The following PRSS55 variants were observed in gnomAD, a reference collection of about 807,000 sequenced individuals.
PRSS55 encodes the protein serine protease 55, also known as probable serine protease UNQ9391/PRO34284.
In PRSS55, 41 loss-of-function variants were observed where a neutral mutation model predicts 23.6. The observed-to-expected ratio is 1.74, with a 90% CI of 1.35 to 2.26. The LOEUF (loss-of-function observed/expected upper bound fraction) is 2.26. PRSS55 is among the 30% of genes most tolerant of loss of function. The probability of loss-of-function intolerance (pLI) is 0.00; values close to 1 mark genes in which losing one functional copy is unlikely to be tolerated. For missense variants in PRSS55, 669 were observed against 439.1 expected (o/e 1.52, Z -4.68); for synonymous variants, 262 against 175.5 (o/e 1.49, Z -3.90).
intron 4 of PRSS55, among the ~76,000 whole-genome samples, chr8:10,548,648 G>C (rs7846306): frequency 0.77 from 117,666 of 152,052 alleles, 47,025 homozygotes; most frequent in East Asian, 1. Context: ...CAAGTCTCCT[G>C]CGGAAGCAGA....
downstream of PRSS55, among the ~76,000 whole-genome samples, chr8:10,539,733 A>C (rs1277499339): frequency 1.3e-5 from 2 of 152,142 alleles, no homozygotes; most frequent in Non-Finnish European, 2.9e-5. Context: ...GCCATGTAAG[A>C]TGTGCCTTTT....
chr8:10,543,484 T>TCTC (rs1563547462), downstream of PRSS55, among the ~76,000 whole-genome samples: 3 of 92,226 alleles, frequency 3.3e-5, no homozygotes, highest in Non-Finnish European at 7.7e-5. Flanking sequence ...TTCTCTCTTT[T>TCTC]TTTTTTTTTT....
intron 4 of PRSS55, among the ~76,000 whole-genome samples, chr8:10,536,685 T>C (rs200209864): frequency 0.19 from 29,186 of 151,282 alleles, 3,032 homozygotes; most frequent in East Asian, 0.33. Context: ...TACGAAGCCA[T>C]AAAAAAAAAC....
chr8:10,548,585 G>A (rs529245559), intron 4 of PRSS55, among the ~76,000 whole-genome samples: 3 of 152,060 alleles, frequency 2.0e-5, no homozygotes, highest in South Asian at 4.1e-4. Context: ...TTCCTGACAC[G>A]GTGAGCCAGG....
intron 4 of PRSS55, chr8:10,545,269 C>G (rs1812788200): frequency 6.6e-6 from 1 of 150,504 alleles, no homozygotes; most frequent in African/African-American, 2.4e-5. Flanking sequence ...GCAATCAGGA[C>G]TCACTGCAGC....
intron 4 of PRSS55, among the ~76,000 whole-genome samples, chr8:10,537,719 A>T (rs964909477): frequency 2.0e-5 from 3 of 152,198 alleles, no homozygotes; most frequent in Admixed American, 1.3e-4. Context: ...AAACATACAA[A>T]ACTATTATGT....
rs900713789 is a variant in PRSS55 at position 10,538,342 on chromosome 8, C to T, written c.742-134C>T. On this transcript the variant is annotated intron_variant, in intron 4 of 4. Coordinates refer to ENST00000328655, the MANE Select transcript of PRSS55 (RefSeq NM_198464.4). ...CAACCTGGCAGCCACATGCTTCTCC[C>T]GTGGAGCAGGGATGGGGTGGGTTGG... 7.4e-5 allele frequency: 51 copies of T among 685,142 alleles called. 1 individual carries two copies. In the South Asian group the frequency reaches 8.1e-4, roughly 11 times the overall value. The allele number at this position is 685,142 out of a possible 1,614,324, so 42.4% of individuals were successfully genotyped here.
At chr8:10,526,596 C>T (rs1426982741) in intron 1 of PRSS55, among the ~76,000 whole-genome samples, 1 of 152,262 alleles carries the variant, frequency 6.6e-6, no homozygotes, top group Non-Finnish European at 1.5e-5. Flanking sequence ...GCTTCCATCA[C>T]TGCTTCCAGG....
intron 4 of PRSS55, among the ~76,000 whole-genome samples, chr8:10,546,819 T>C (rs141002893): frequency 9.9e-5 from 15 of 152,100 alleles, no homozygotes; most frequent in East Asian, 5.8e-4. Context: ...GAGTAGCTGA[T>C]TGCACACAGG....
intron 4 of PRSS55, 21 bp downstream of exon 4, chr8:10,533,069 C>T (rs1282975101): frequency 5.0e-6 from 8 of 1,613,572 alleles, no homozygotes; most frequent in Non-Finnish European, 6.8e-6. Flanking sequence ...GGTACCCTCC[C>T]TCACCTTATA....
Position 10,535,950 on chromosome 8 carries a change from G to A in PRSS55, c.742-2526G>A, listed in dbSNP as rs531430642. 1.7e-4 allele frequency among the ~76,000 whole-genome samples: 26 copies of A among 152,348 alleles called. No homozygotes were observed. The East Asian group carries it at 4.0e-3, about 24-fold the overall frequency. On this transcript the variant is annotated intron_variant, in intron 4 of 4. Coordinates refer to ENST00000328655, the MANE Select transcript of PRSS55 (RefSeq NM_198464.4). ...GCCTCTAATCCCAGCACTGTGGGACGCCAAGACCGGCGGATCACGAGGTCA... is the reference window on the plus strand; with the variant it reads ...GCCTCTAATCCCAGCACTGTGGGACACCAAGACCGGCGGATCACGAGGTCA...
intron 4 of PRSS55, among the ~76,000 whole-genome samples, chr8:10,533,792 A>G (rs910828543): frequency 6.6e-6 from 1 of 152,168 alleles, no homozygotes; most frequent in Non-Finnish European, 1.5e-5. Context: ...CGTTGGTATA[A>G]AACCACAAAT....
Position 10,531,517 on chromosome 8 carries a change from G to A in PRSS55, c.570G>A (p.Trp190Ter). ...QPGPATWREC[W>*]VAGWGQTNAA... Reference sequence around the variant, plus strand: ...GCCCTGCCACATGGCGCGAATGCTGGGTGGCAGGTTGGGGCCAGACCAATG... The same window carrying A: ...GCCCTGCCACATGGCGCGAATGCTGAGTGGCAGGTTGGGGCCAGACCAATG... Residue 190 changes from tryptophan to a stop codon, truncating the protein, a stop_gained, in exon 3 of 5, where the codon TGG (tryptophan) becomes TGA (stop). Coordinates refer to ENST00000328655, the MANE Select transcript of PRSS55 (RefSeq NM_198464.4). LOFTEE classifies it high-confidence loss of function. 1 of 1,613,810 alleles carries A rather than the reference G, an allele frequency of 6.2e-7. No homozygotes were observed. The highest frequency in any genetic ancestry group is 8.5e-7 in the Non-Finnish European group (1 of 1,180,050).
chr8:10,550,433 T>C (rs1812926751), intron 4 of PRSS55, among the ~76,000 whole-genome samples: 1 of 152,180 alleles, frequency 6.6e-6, no homozygotes, highest in Non-Finnish European at 1.5e-5. Flanking sequence ...CTGGCTCTGG[T>C]GTAGCATCAT....
At chr8:10,525,803 G>A in intron 1 of PRSS55, 64 bp downstream of exon 1, 1 of 1,501,226 alleles carries the variant, frequency 6.7e-7, no homozygotes, top group Non-Finnish European at 9.0e-7. Flanking sequence ...GCTGCCAGGA[G>A]GGTGGATCGC....
intron 4 of PRSS55, among the ~76,000 whole-genome samples, chr8:10,544,509 A>G (rs1167702134): frequency 6.6e-6 from 1 of 152,290 alleles, no homozygotes; most frequent in East Asian, 1.9e-4. Flanking sequence ...CTCACATTTA[A>G]TGTGATCATT....
At chr8:10,538,443 G>A (rs375285603) in intron 4 of PRSS55, 33 bp from the exon 5 acceptor site, 1 of 1,531,760 alleles carries the variant, frequency 6.5e-7, no homozygotes, top group Non-Finnish European at 8.9e-7. Flanking sequence ...CTTAGAACCG[G>A]ACTCCCTGCT....
intron 4 of PRSS55, 70 bp downstream of exon 4, chr8:10,533,118 C>A: frequency 2.0e-6 from 3 of 1,497,998 alleles, no homozygotes; most frequent in South Asian, 1.2e-5. Flanking sequence ...CAAGGGTATT[C>A]TCTCTCTGCT....
chr8:10,542,960 C>G (rs376792006), downstream of PRSS55, among the ~76,000 whole-genome samples: 1 of 150,824 alleles, frequency 6.6e-6, no homozygotes, highest in Admixed American at 6.6e-5. Flanking sequence ...GCTGTTTTGT[C>G]TGCTCTGCAC....
Sources: gnomAD v4.1 joint callset for allele counts (sites outside exome capture counted in the v4.1 genomes callset) on GRCh38, gnomAD v4.1.1 for gene constraint, MANE v1.5 for transcripts, NCBI Gene and HGNC (gene_info 2026-07-23, HGNC 2026-07-21) for gene names.